FHIT: variants seen among roughly 807,000 people sequenced by gnomAD.
The protein encoded by FHIT is bis(5'-adenosyl)-triphosphatase.
In FHIT, 19 loss-of-function variants were observed where a neutral mutation model predicts 17.9. The ratio of observed to expected loss-of-function variants is 1.06; its 90% CI spans 0.74 to 1.56. FHIT has a LOEUF of 1.56. Among genes scored for constraint, FHIT ranks in the 40% most tolerant of loss-of-function variants. The pLI is 0.00. For synonymous variants in FHIT, 81 were observed against 69.7 expected (o/e 1.16, Z -0.81); for missense variants, 248 against 189.2 (o/e 1.31, Z -1.82).
intron 4 of FHIT, among the ~76,000 whole-genome samples, chr3:60,604,230 G>C (rs1466487519): frequency 6.6e-6 from 1 of 152,078 alleles, no homozygotes; most frequent in Non-Finnish European, 1.5e-5. Context: ...AGAAAAAACT[G>C]GCAGAACCAC....
intron 5 of FHIT, among the ~76,000 whole-genome samples, chr3:60,204,355 C>G (rs1042261338): frequency 3.2e-4 from 49 of 152,240 alleles, no homozygotes; most frequent in Non-Finnish European, 2.9e-4. Flanking sequence ...CCTCAGCCTC[C>G]ACCCCCTGGG....
At chr3:60,595,146 T>C (rs1351480610) in intron 4 of FHIT, among the ~76,000 whole-genome samples, 1 of 152,004 alleles carries the variant, frequency 6.6e-6, no homozygotes, top group African/African-American at 2.4e-5. Context: ...TACAGATTGA[T>C]TCATCTGCAT....
At chr3:60,536,001 A>C (rs1187499547) in intron 5 of FHIT, 3 of 152,164 alleles carry the variant, frequency 2.0e-5, no homozygotes, top group African/African-American at 7.2e-5. Flanking sequence ...CGTGGAAAAT[A>C]CTTATTATCT....
intron 7 of FHIT, among the ~76,000 whole-genome samples, chr3:59,949,720 A>G (rs528117280): frequency 1.3e-5 from 2 of 152,350 alleles, no homozygotes; most frequent in Non-Finnish European, 2.9e-5. Context: ...CTAATTAAGA[A>G]CACATACATT....
intron 8 of FHIT, among the ~76,000 whole-genome samples, chr3:59,824,109 A>G (rs780402733): frequency 3.0e-4 from 46 of 152,358 alleles, no homozygotes; most frequent in Admixed American, 7.8e-4. Flanking sequence ...CCTGCAAAAA[A>G]TAAAATACTT....
intron 5 of FHIT, among the ~76,000 whole-genome samples, chr3:60,161,874 A>G (rs1336098888): frequency 1.3e-5 from 2 of 152,158 alleles, no homozygotes; most frequent in East Asian, 1.9e-4. Context: ...AGCTCACTGC[A>G]TTATCACAGG....
chr3:60,189,606 G>A (rs1436825166), intron 5 of FHIT, among the ~76,000 whole-genome samples: 1 of 152,148 alleles, frequency 6.6e-6, no homozygotes. Context: ...GACATGGCTT[G>A]TAAACACCAG....
At chr3:59,914,456 G>T (rs1452944979) in intron 8 of FHIT, among the ~76,000 whole-genome samples, 1 of 152,084 alleles carries the variant, frequency 6.6e-6, no homozygotes, top group Admixed American at 6.5e-5. Context: ...GCTGGCATGT[G>T]GCACATGAAT....
At chr3:60,968,738 G>C (rs1055216906) in intron 3 of FHIT, among the ~76,000 whole-genome samples, 2 of 152,096 alleles carry the variant, frequency 1.3e-5, no homozygotes, top group African/African-American at 4.8e-5. Flanking sequence ...ATATTTATCT[G>C]ATTAAGGAAG....
chr3:59,991,534 A>G (rs1020421481), intron 7 of FHIT, among the ~76,000 whole-genome samples: 1 of 151,996 alleles, frequency 6.6e-6, no homozygotes, highest in Non-Finnish European at 1.5e-5. Context: ...ATAATCCCAA[A>G]CAGACAGATA....
intron 3 of FHIT, among the ~76,000 whole-genome samples, chr3:60,907,657 CA>C (rs1706507966): frequency 6.6e-6 from 1 of 151,760 alleles, no homozygotes; most frequent in South Asian, 2.1e-4. Context: ...GACTGAAATG[CA>C]AATGATTTTT....
chr3:60,583,982 C>T (rs1195858695), intron 4 of FHIT, among the ~76,000 whole-genome samples: 1 of 152,030 alleles, frequency 6.6e-6, no homozygotes, highest in African/African-American at 2.4e-5. Context: ...TGAAAATGAT[C>T]CAGAAGGTCA....
intron 3 of FHIT, among the ~76,000 whole-genome samples, chr3:60,888,491 TTTTC>T (rs1416395201): frequency 1.1e-4 from 16 of 151,668 alleles, no homozygotes; most frequent in Non-Finnish European, 2.1e-4. Context: ...CCCTTTTAAA[TTTTC>T]TTTCTAAGAA....
chr3:60,315,678 A>G (rs921534446), intron 5 of FHIT, among the ~76,000 whole-genome samples: 3 of 152,190 alleles, frequency 2.0e-5, no homozygotes, highest in Non-Finnish European at 4.4e-5. Flanking sequence ...GTATACTACA[A>G]TTATCCATTC....
At chr3:59,798,058 C>T (rs753175041) in intron 8 of FHIT, among the ~76,000 whole-genome samples, 1 of 152,136 alleles carries the variant, frequency 6.6e-6, no homozygotes, top group African/African-American at 2.4e-5. Flanking sequence ...GTGATTTCCT[C>T]TTCAACACCA....
In FHIT at chr3:60,733,267, T is replaced by C. The variant is rs138672488; in HGVS notation, c.-18+88652A>G. Reference sequence around the variant, plus strand: ...CCAACTAGGAATTCAGGCAGAATGTTGTCAGATCTTTCAGTTATTACAGAA... The same window carrying C: ...CCAACTAGGAATTCAGGCAGAATGTCGTCAGATCTTTCAGTTATTACAGAA... On this transcript the variant is annotated intron_variant, in intron 4 of 9. Transcript: ENST00000492590. Among the ~76,000 whole-genome samples the C allele has an allele frequency of 3.3e-5, 5 of 152,332 alleles. No homozygotes were observed. The East Asian group carries it at 9.7e-4, about 29-fold the overall frequency.
chr3:60,317,586 C>A (rs1250421169), intron 5 of FHIT, among the ~76,000 whole-genome samples: 2 of 146,362 alleles, frequency 1.4e-5, no homozygotes, highest in Non-Finnish European at 3.0e-5. Context: ...TTATATATAT[C>A]ATTATATAAT....
Position 59,962,057 on chromosome 3 carries a change from A to C in FHIT, c.280-39643T>G, listed in dbSNP as rs1464149433. On this transcript the variant is annotated intron_variant, in intron 7 of 9. Transcript: ENST00000492590. ...GCAGAATCATTCTAGAAAACAATTC[A>C]TTTCGATTAAAGAAATGAACACCAT... Among the ~76,000 whole-genome samples the C allele has an allele frequency of 2.6e-5, 4 of 152,218 alleles. No homozygotes were observed. The South Asian group carries it at 8.3e-4, about 32-fold the overall frequency.
At chr3:60,130,824 T>C (rs1320879412) in intron 5 of FHIT, among the ~76,000 whole-genome samples, 3 of 149,386 alleles carry the variant, frequency 2.0e-5, no homozygotes, top group Non-Finnish European at 4.4e-5. Context: ...TATGTGTGTA[T>C]AGGTGTGTAC....
Sources: allele counts gnomAD v4.1 joint callset (sites outside exome capture counted in the v4.1 genomes callset), GRCh38; gene constraint gnomAD v4.1.1; transcripts MANE v1.5; gene names NCBI Gene and HGNC (gene_info 2026-07-23, HGNC 2026-07-21).